Variants in TFDP2 observed in about 807,000 individuals in gnomAD.
TFDP2 encodes transcription factor Dp-2 (E2F dimerization partner 2).
Under a neutral mutation model 59.3 loss-of-function variants are expected in TFDP2, and 17 were observed. The observed-to-expected ratio is 0.29, with a 90% CI of 0.20 to 0.43. The LOEUF is 0.43. TFDP2 is among the 20% of genes least tolerant of loss of function. The probability of loss-of-function intolerance (pLI) is 1.00; values close to 1 mark genes in which losing one functional copy is unlikely to be tolerated. For synonymous variants in TFDP2, 180 were observed against 194.7 expected, an observed-to-expected ratio of 0.92 and a Z score of 0.63; for missense variants, 391 against 528.8, an observed-to-expected ratio of 0.74 and a Z score of 2.56.
Position 142,099,873 on chromosome 3 carries a change from T to C in TFDP2, c.15+1862A>G, listed in dbSNP as rs73872577. Among the ~76,000 whole-genome samples the C allele has an allele frequency of 3.3e-3, 502 of 152,254 alleles. 7 individuals are homozygous for C. The highest frequency in any genetic ancestry group is 0.011 in the African/African-American group (474 of 41,550). ...TATTTAAGTTTATCACAATATCCTATACCTCCCTAAGAATTCCTCTTCTAA... is the reference window on the plus strand; with the variant it reads ...TATTTAAGTTTATCACAATATCCTACACCTCCCTAAGAATTCCTCTTCTAA... On this transcript the variant is annotated intron_variant, in intron 2 of 12. Coordinates refer to ENST00000489671, the MANE Select transcript of TFDP2 (RefSeq NM_001178139.2).
At chr3:141,959,406 C>A (rs1426774365) in intron 11 of TFDP2, among the ~76,000 whole-genome samples, 1 of 152,160 alleles carries the variant, frequency 6.6e-6, no homozygotes, top group Non-Finnish European at 1.5e-5. Flanking sequence ...ATTACAAGAT[C>A]TCTCTGAAGA....
chr3:142,037,780 CAAG>C (rs1210222145), intron 3 of TFDP2, among the ~76,000 whole-genome samples: 8 of 152,080 alleles, frequency 5.3e-5, no homozygotes, highest in Non-Finnish European at 8.8e-5. Flanking sequence ...GACTAAGAAG[CAAG>C]AAGATTATCA....
chr3:142,078,736 A>G (rs1211401228), intron 3 of TFDP2, among the ~76,000 whole-genome samples: 1 of 152,214 alleles, frequency 6.6e-6, no homozygotes, highest in Non-Finnish European at 1.5e-5. Context: ...GTCAATGTTC[A>G]GACATCGATG....
chr3:142,051,409 T>C (rs969986530), intron 3 of TFDP2, among the ~76,000 whole-genome samples: 3 of 151,920 alleles, frequency 2.0e-5, no homozygotes, highest in African/African-American at 7.3e-5. Flanking sequence ...CGTGGTGGTG[T>C]GCACCTGTAA....
chr3:141,996,285 G>A (rs938100318), intron 4 of TFDP2, among the ~76,000 whole-genome samples: 2 of 152,186 alleles, frequency 1.3e-5, no homozygotes, highest in Non-Finnish European at 2.9e-5. Context: ...AAAAGGGGAA[G>A]AGGCATGCTC....
intron 3 of TFDP2, among the ~76,000 whole-genome samples, chr3:142,017,938 T>TTTTTTTTATTTATTTATTTATTTATTTA (rs1945269057): frequency 1.3e-5 from 2 of 151,294 alleles, no homozygotes; most frequent in Non-Finnish European, 2.9e-5. Flanking sequence ...TGCCTCAATA[T>TTTTTTTTATTTATTTATTTATTTATTTA]TTTATTTATT....
chr3:141,998,073 T>C (rs868142028), intron 4 of TFDP2, among the ~76,000 whole-genome samples: 1 of 152,028 alleles, frequency 6.6e-6, no homozygotes, highest in African/African-American at 2.4e-5. Context: ...GCCTGGTACA[T>C]AGCAATTCCT....
chr3:142,126,008 T>C (rs2062229411), intron 1 of TFDP2: 1 of 152,090 alleles, frequency 6.6e-6, no homozygotes, highest in Admixed American at 6.5e-5. Context: ...ATAGAACCCT[T>C]TCTTAGGGGG....
rs149291146 is a variant in TFDP2 at position 142,078,291 on chromosome 3, C to A, written c.82+14770G>T. Among the ~76,000 whole-genome samples, 137 of 152,318 alleles carry A rather than the reference C, an allele frequency of 9.0e-4. 1 individual carries two copies. The highest frequency in any genetic ancestry group is 3.2e-3 in the African/African-American group (133 of 41,572). Reference sequence around the variant, plus strand: ...GGAAGAACACAAACCCAGCTGGCTTCATCACCTGCTGATTGTAAAGCCCCA... The same window carrying A: ...GGAAGAACACAAACCCAGCTGGCTTAATCACCTGCTGATTGTAAAGCCCCA... On this transcript the variant is annotated intron_variant, in intron 3 of 12. Transcript: ENST00000489671.
chr3:141,974,022 AT>A, intron 8 of TFDP2, 25 bp downstream of exon 8: 1 of 1,603,240 alleles, frequency 6.2e-7, no homozygotes, highest in East Asian at 2.3e-5. Flanking sequence ...GCAAACAGCT[AT>A]TCATAAACAG....
At chr3:142,138,789 T>C (rs2062827046) in intron 1 of TFDP2, among the ~76,000 whole-genome samples, 1 of 152,222 alleles carries the variant, frequency 6.6e-6, no homozygotes, top group Admixed American at 6.5e-5. Flanking sequence ...TTACTTCCAA[T>C]TATGTGGTCA....
At chr3:142,118,099 A>G (rs1230261554) in intron 1 of TFDP2, among the ~76,000 whole-genome samples, 1 of 152,166 alleles carries the variant, frequency 6.6e-6, no homozygotes, top group Non-Finnish European at 1.5e-5. Flanking sequence ...CCTTGTCTCA[A>G]AAGAAGAAAA....
intron 1 of TFDP2, among the ~76,000 whole-genome samples, chr3:142,128,672 GAGAA>G (rs1253567312): frequency 6.6e-6 from 1 of 151,686 alleles, no homozygotes; most frequent in Admixed American, 6.6e-5. Context: ...AAAGAAAAAA[GAGAA>G]GGAAGGAAAA....
intron 3 of TFDP2, among the ~76,000 whole-genome samples, chr3:142,053,105 G>A (rs541528729): frequency 2.6e-5 from 4 of 152,318 alleles, no homozygotes; most frequent in Non-Finnish European, 5.9e-5. Context: ...ACCGCGCCCA[G>A]CCCAGATTTC....
In TFDP2 at chr3:142,149,494, A is replaced by G; in HGVS notation, c.-404T>C. 1 of 352,676 alleles carries G rather than the reference A, an allele frequency of 2.8e-6. No homozygotes were observed. The highest frequency in any genetic ancestry group is 5.1e-6 in the Non-Finnish European group (1 of 197,240). 21.8% of individuals were successfully genotyped at this position (352,676 alleles called of 1,614,324 possible). A position where few individuals can be genotyped will look rare whatever the true frequency, so the allele number is the denominator to read the frequency against. On this transcript the variant is annotated 5_prime_UTR_variant, in exon 1 of 13. Coordinates refer to ENST00000489671, the MANE Select transcript of TFDP2 (RefSeq NM_001178139.2). ...TCGTCCGCCCTCTCCCTGCCCAGCT[A>G]CAGCCCCGCTTCCCCCGCGCGAGCT...
chr3:142,079,449 G>C (rs2060566110), intron 3 of TFDP2, among the ~76,000 whole-genome samples: 1 of 152,180 alleles, frequency 6.6e-6, no homozygotes, highest in Non-Finnish European at 1.5e-5. Flanking sequence ...GGTGGAGGCA[G>C]AGAAACACAT....
chr3:141,963,493 G>T (rs768022639), intron 10 of TFDP2, among the ~76,000 whole-genome samples: 7 of 152,260 alleles, frequency 4.6e-5, no homozygotes, highest in South Asian at 2.1e-4. Flanking sequence ...GACCCACAGT[G>T]CTGGGCTAAC....
intron 11 of TFDP2, among the ~76,000 whole-genome samples, chr3:141,957,485 A>C (rs1936834022): frequency 6.6e-6 from 1 of 152,332 alleles, no homozygotes; most frequent in African/African-American, 2.4e-5. Flanking sequence ...TAGAGATAAA[A>C]ACATATGTTT....
At chr3:142,113,773 T>C (rs1304151053) in intron 1 of TFDP2, among the ~76,000 whole-genome samples, 1 of 152,176 alleles carries the variant, frequency 6.6e-6, no homozygotes, top group African/African-American at 2.4e-5. Flanking sequence ...AGAATACGAC[T>C]GTACTTATAC....
Sources: gnomAD v4.1 joint callset for allele counts (sites outside exome capture counted in the v4.1 genomes callset) on GRCh38, gnomAD v4.1.1 for gene constraint, MANE v1.5 for transcripts, NCBI Gene and HGNC (gene_info 2026-07-23, HGNC 2026-07-21) for gene names.